PCBD2: variants seen among roughly 807,000 people sequenced by gnomAD.
The protein encoded by PCBD2 is pterin-4 alpha-carbinolamine dehydratase 2, also known as pterin-4-alpha-carbinolamine dehydratase 2.
Under a neutral mutation model 16.4 loss-of-function variants are expected in PCBD2, and 12 were observed. The ratio of observed to expected loss-of-function variants is 0.73; its 90% CI spans 0.47 to 1.19. The LOEUF is 1.19. Among genes scored for constraint, PCBD2 ranks in the 50% most tolerant of loss-of-function variants. PCBD2 has a pLI of 0.00. For missense variants in PCBD2, 138 were observed against 156.8 expected, an observed-to-expected ratio of 0.88 and a Z score of 0.64; for synonymous variants, 58 against 61.8, an observed-to-expected ratio of 0.94 and a Z score of 0.29.
intron 2 of PCBD2, among the ~76,000 whole-genome samples, chr5:134,945,753 G>A (rs1014088709): frequency 2.2e-4 from 34 of 152,128 alleles, no homozygotes; most frequent in African/African-American, 8.0e-4. Flanking sequence ...AATTGGAACC[G>A]CTTCAGTGTC....
intron 2 of PCBD2, among the ~76,000 whole-genome samples, chr5:134,929,980 C>T (rs779976069): frequency 1.2e-4 from 18 of 152,216 alleles, no homozygotes; most frequent in Non-Finnish European, 1.9e-4. Context: ...AGGCATGAGC[C>T]ATCGTTCCCA....
intron 2 of PCBD2, chr5:134,926,046 G>C: frequency 2.7e-6 from 1 of 371,466 alleles, no homozygotes; most frequent in Admixed American, 4.6e-5. Flanking sequence ...TGAATAGCTG[G>C]AATAGGTTGT....
intron 2 of PCBD2, chr5:134,928,621 T>G (rs2149534742): frequency 5.4e-6 from 1 of 184,782 alleles, no homozygotes; most frequent in South Asian, 2.0e-4. Flanking sequence ...GATCACGAGA[T>G]CAGGAGATTG....
intron 2 of PCBD2, among the ~76,000 whole-genome samples, chr5:134,942,512 A>C (rs967364362): frequency 2.0e-5 from 3 of 152,156 alleles, no homozygotes; most frequent in Non-Finnish European, 4.4e-5. Context: ...GGTCAGAGTA[A>C]TGACTCTGAG....
At position 134,960,801 on chromosome 5, in the gene PCBD2, C is replaced by CT. The variant is rs555116390; in HGVS notation, c.*121dup. The CT allele has an allele frequency of 8.9e-4, 747 of 837,722 alleles. 9 individuals carry two copies. The Admixed American group carries it at 0.016, about 18-fold the overall frequency. The allele number at this position is 837,722 out of a possible 1,614,324, so 51.9% of individuals were successfully genotyped here. A position where few individuals can be genotyped will look rare whatever the true frequency, so the allele number is the denominator to read the frequency against. On this transcript the variant is annotated 3_prime_UTR_variant, in exon 4 of 4. Transcript: ENST00000254908. ...CTTTTTTTTAAGACAGAGTGTTGCTCTGTCGCCCAGGCCAGAGTGCAGTGG... is the reference window on the plus strand; with the variant it reads ...CTTTTTTTTAAGACAGAGTGTTGCTCTTGTCGCCCAGGCCAGAGTGCAGTGG...
chr5:134,907,180 C>CTG (rs1422527223), intron 1 of PCBD2, among the ~76,000 whole-genome samples: 3 of 152,252 alleles, frequency 2.0e-5, no homozygotes, highest in Non-Finnish European at 4.4e-5. Context: ...TGTGGACACA[C>CTG]ATAATTCTGT....
At chr5:134,919,274 T>A (rs192853141) in intron 2 of PCBD2, among the ~76,000 whole-genome samples, 120 of 152,328 alleles carry the variant, frequency 7.9e-4, no homozygotes, top group Non-Finnish European at 1.4e-3. Context: ...GAAAGGTATT[T>A]CAGATTTATG....
intron 2 of PCBD2, among the ~76,000 whole-genome samples, chr5:134,951,596 A>T (rs1421418525): frequency 6.6e-6 from 1 of 152,214 alleles, no homozygotes; most frequent in East Asian, 1.9e-4. Flanking sequence ...TTCCATGATG[A>T]TGATATCAAC....
In PCBD2 at chr5:134,910,380, A is replaced by G; in HGVS notation, c.130A>G (p.Ile44Val). 6.2e-7 allele frequency: 1 copy of G among 1,614,024 alleles called. No homozygotes were observed. Among genetic ancestry groups the G allele is most frequent in the Non-Finnish European group, 8.5e-7 (1 of 1,179,836 alleles). Residue 44 changes from isoleucine (I) to valine (V), a missense_variant, in exon 2 of 4, where the codon ATA (isoleucine) becomes GTA (valine). By Grantham distance (29) the Ile-to-Val change is conservative (BLOSUM62 3). Transcript: ENST00000254908. Reference sequence around the variant, plus strand: ...GACTGCAGAGGAGAGGAACCAAGCTATACTTGACCTTAAAGCAGCAGGATG... The same window carrying G: ...GACTGCAGAGGAGAGGAACCAAGCTGTACTTGACCTTAAAGCAGCAGGATG... ...RLTAEERNQAILDLKAAGWSE... is the reference protein window; with the variant it reads ...RLTAEERNQAVLDLKAAGWSE...
chr5:134,925,256 A>G (rs1171340929), intron 2 of PCBD2: 2 of 398,464 alleles, frequency 5.0e-6, no homozygotes, highest in South Asian at 1.3e-4. Flanking sequence ...TTTGTGTATG[A>G]TATGTTTGCG....
rs1023361440 is a variant in PCBD2, at chr5:134,920,636, C to T, written c.216+10170C>T. ...ATGACTCTGTTTGCTTGTGTGCTCT[C>T]TGCCAACAGGGCAGGATGGAGGCTT... On this transcript the variant is annotated intron_variant, in intron 2 of 3. Coordinates refer to ENST00000254908, the MANE Select transcript of PCBD2 (RefSeq NM_032151.5). 4.0e-5 allele frequency among the ~76,000 whole-genome samples: 6 copies of T among 151,472 alleles called. No homozygotes were observed. The East Asian group carries it at 5.8e-4, about 15-fold the overall frequency.
chr5:134,949,470 C>T (rs1751335665), intron 2 of PCBD2, among the ~76,000 whole-genome samples: 2 of 152,018 alleles, frequency 1.3e-5, no homozygotes. Context: ...AACTGAAACT[C>T]GTTTCAAAAG....
At chr5:134,947,353 A>C (rs1349599990) in intron 2 of PCBD2, among the ~76,000 whole-genome samples, 3 of 151,304 alleles carry the variant, frequency 2.0e-5, no homozygotes, top group Non-Finnish European at 4.4e-5. Flanking sequence ...TTGGTCTCCC[A>C]AAGTGCTGGG....
chr5:134,948,460 A>C (rs1751323965), intron 2 of PCBD2, among the ~76,000 whole-genome samples: 1 of 152,122 alleles, frequency 6.6e-6, no homozygotes, highest in Admixed American at 6.6e-5. Flanking sequence ...TTGTGGATGT[A>C]AACCCTGCCA....
chr5:134,945,197 G>A (rs1751277717), intron 2 of PCBD2, among the ~76,000 whole-genome samples: 1 of 152,202 alleles, frequency 6.6e-6, no homozygotes, highest in African/African-American at 2.4e-5. Flanking sequence ...TCCTCCAGCA[G>A]TGTGCTTTTT....
At position 134,960,823 on chromosome 5, in the gene PCBD2, G is replaced by A; in HGVS notation, c.*142G>A. 1.5e-6 allele frequency: 1 copy of A among 666,036 alleles called. No individual in the cohort carries two copies. Among genetic ancestry groups the A allele is most frequent in the Non-Finnish European group, 2.5e-6 (1 of 396,760 alleles). The allele number at this position is 666,036 out of a possible 1,614,324, so 41.3% of individuals were successfully genotyped here. On this transcript the variant is annotated 3_prime_UTR_variant, in exon 4 of 4. Transcript: ENST00000254908. ...GCTCTGTCGCCCAGGCCAGAGTGCA[G>A]TGGTATGATCTCGGCTCACTGTAAC...
chr5:134,924,716 C>T lies in PCBD2; in HGVS notation c.216+14250C>T, dbSNP rs1431609641. The T allele has an allele frequency of 3.0e-5, 12 of 395,280 alleles. No individual in the cohort carries two copies. In the East Asian group the frequency reaches 4.3e-4, roughly 14 times the overall value. 24.5% of individuals were successfully genotyped at this position (395,280 alleles called of 1,614,324 possible). On this transcript the variant is annotated intron_variant, in intron 2 of 3. Transcript: ENST00000254908. ...GAGAGGAAATAAAGTTTGATTATGC[C>T]TTTTTGGGTTGAGGTGATGATGGAG...
chr5:134,924,970 C>A, intron 2 of PCBD2: 1 of 392,510 alleles, frequency 2.5e-6, no homozygotes, highest in South Asian at 1.4e-4. Context: ...TGTTAGAAGT[C>A]CTAGGGAAGT....
intron 2 of PCBD2, among the ~76,000 whole-genome samples, chr5:134,914,251 T>C (rs1750801388): frequency 6.6e-6 from 1 of 152,110 alleles, no homozygotes; most frequent in South Asian, 2.1e-4. Flanking sequence ...TTTTGTTTTT[T>C]AGTGAGATCA....
Sources: gnomAD v4.1 joint callset for allele counts (sites outside exome capture counted in the v4.1 genomes callset) on GRCh38, gnomAD v4.1.1 for gene constraint, MANE v1.5 for transcripts, NCBI Gene and HGNC (gene_info 2026-07-23, HGNC 2026-07-21) for gene names.